ZFPM2: variants seen among roughly 807,000 people sequenced by gnomAD.
The protein encoded by ZFPM2 is zinc finger protein, FOG family member 2, also known as zinc finger protein ZFPM2.
Under a neutral mutation model 98.6 loss-of-function variants are expected in ZFPM2, and 20 were observed. The ratio of observed to expected loss-of-function variants is 0.20; its 90% CI spans 0.14 to 0.29. ZFPM2 has a LOEUF of 0.29. Ranked by LOEUF, ZFPM2 falls within the 10% of genes least tolerant of loss-of-function variation. The probability of loss-of-function intolerance (pLI) is 1.00; values close to 1 mark genes in which losing one functional copy is unlikely to be tolerated. For synonymous variants in ZFPM2, 518 were observed against 502.7 expected (o/e 1.03, Z -0.41); for missense variants, 1,310 against 1,388.6 (o/e 0.94, Z 0.90).
intron 3 of ZFPM2, among the ~76,000 whole-genome samples, chr8:105,483,748 C>G (rs1432676811): frequency 6.7e-6 from 1 of 148,420 alleles, no homozygotes; most frequent in African/African-American, 2.5e-5. Flanking sequence ...ATTACTTTTT[C>G]TTTTCTTTTT....
intron 5 of ZFPM2, among the ~76,000 whole-genome samples, chr8:105,779,437 T>TAAC (rs1457565566): frequency 3.9e-5 from 6 of 152,206 alleles, no homozygotes; most frequent in African/African-American, 1.4e-4. Flanking sequence ...TGTATAGACA[T>TAAC]AACACATGGA....
chr8:105,801,388 A>G lies in ZFPM2; in HGVS notation c.1306A>G (p.Thr436Ala), dbSNP rs1485238348. The G allele has an allele frequency of 6.2e-7, 1 of 1,613,772 alleles. No individual in the cohort carries two copies. Among genetic ancestry groups the G allele is most frequent in the African/African-American group, 1.3e-5 (1 of 74,916 alleles). ...GCAGACTAAAGATGCGAGCTCTGAC[A>G]CAGAGCTGGACAAGTGTGAGAAAAA... ...AMQTKDASSD[T>A]ELDKCEKKTQ... Residue 436 changes from threonine to alanine, a missense_variant, in exon 8 of 8, where the codon ACA (threonine) becomes GCA (alanine). Physicochemically the swap from Thr to Ala is moderately conservative, Grantham distance 58. Coordinates refer to ENST00000407775, the MANE Select transcript of ZFPM2 (RefSeq NM_012082.4).
chr8:105,686,784 G>T (rs1315479132), intron 5 of ZFPM2, among the ~76,000 whole-genome samples: 1 of 152,110 alleles, frequency 6.6e-6, no homozygotes, highest in African/African-American at 2.4e-5. Flanking sequence ...CCTAGACAAG[G>T]CTTAGCTTTA....
intron 3 of ZFPM2, among the ~76,000 whole-genome samples, chr8:105,510,475 T>G (rs767623213): frequency 8.6e-5 from 13 of 150,806 alleles, no homozygotes; most frequent in Non-Finnish European, 1.8e-4. Context: ...GATGATTCAC[T>G]ATAATGAAAT....
At chr8:105,364,690 A>C (rs1443660331) in intron 1 of ZFPM2, among the ~76,000 whole-genome samples, 1 of 151,998 alleles carries the variant, frequency 6.6e-6, no homozygotes, top group Non-Finnish European at 1.5e-5. Flanking sequence ...TTAGTTTTAC[A>C]GGATTGACAA....
intron 1 of ZFPM2, among the ~76,000 whole-genome samples, chr8:105,354,967 GA>G (rs1812713577): frequency 1.3e-5 from 2 of 151,818 alleles, no homozygotes; most frequent in Non-Finnish European, 2.9e-5. Context: ...AGAAAAAAAA[GA>G]AAAACACAAA....
chr8:105,462,954 ATAATT>A (rs1421334415), intron 3 of ZFPM2, among the ~76,000 whole-genome samples: 2 of 152,146 alleles, frequency 1.3e-5, no homozygotes, highest in African/African-American at 4.8e-5. Flanking sequence ...ATTGAAAAAT[ATAATT>A]TAGTCAGGTG....
At chr8:105,378,335 A>T (rs748918389) in intron 1 of ZFPM2, among the ~76,000 whole-genome samples, 7 of 152,164 alleles carry the variant, frequency 4.6e-5, no homozygotes, top group Non-Finnish European at 1.0e-4. Context: ...CATAGTTAAG[A>T]CACATTTTTT....
At chr8:105,560,169 CAA>C (rs34623592) in intron 3 of ZFPM2, among the ~76,000 whole-genome samples, 4 of 67,604 alleles carry the variant, frequency 5.9e-5, no homozygotes, top group Admixed American at 1.5e-4. Context: ...AACTCTGTCT[CAA>C]AAAAAAAAAA....
At chr8:105,795,945 A>C (rs2131160674) in intron 6 of ZFPM2, 1 of 232,362 alleles carries the variant, frequency 4.3e-6, no homozygotes, top group East Asian at 1.4e-4. Flanking sequence ...AAAATCTCTG[A>C]GACTCTGAAT....
At chr8:105,593,105 C>T (rs1467277462) in intron 4 of ZFPM2, among the ~76,000 whole-genome samples, 2 of 152,078 alleles carry the variant, frequency 1.3e-5, no homozygotes, top group Admixed American at 6.6e-5. Context: ...TTTAGGATAT[C>T]GAGACCCCTT....
chr8:105,410,537 A>G (rs1182917170), intron 1 of ZFPM2, among the ~76,000 whole-genome samples: 1 of 151,920 alleles, frequency 6.6e-6, no homozygotes, highest in Non-Finnish European at 1.5e-5. Context: ...TTATACCTAT[A>G]TTTAAAAATA....
intron 5 of ZFPM2, among the ~76,000 whole-genome samples, chr8:105,673,447 G>C (rs181901069): frequency 6.6e-6 from 1 of 152,064 alleles, no homozygotes; most frequent in Admixed American, 6.5e-5. Context: ...ATAAAATTCT[G>C]AAATGTTCAA....
Position 105,318,607 on chromosome 8 carries a change from T to G in ZFPM2, c.-335T>G, listed in dbSNP as rs1811952409. 1 of 150,986 alleles carries G rather than the reference T, an allele frequency of 6.6e-6. No individual in the cohort carries two copies. Among genetic ancestry groups the G allele is most frequent in the African/African-American group, 2.4e-5 (1 of 41,234 alleles). 9.4% of individuals were successfully genotyped at this position (150,986 alleles called of 1,614,324 possible). A position where few individuals can be genotyped will look rare whatever the true frequency, so the allele number is the denominator to read the frequency against. ...TCCCTCCCTCCTTCTCTTCCTTCTTTCCGTGTTATTTTTCTCTTCTCTTTC... is the reference window on the plus strand; with the variant it reads ...TCCCTCCCTCCTTCTCTTCCTTCTTGCCGTGTTATTTTTCTCTTCTCTTTC... On this transcript the variant is annotated 5_prime_UTR_variant, in exon 1 of 8. Coordinates refer to ENST00000407775, the MANE Select transcript of ZFPM2 (RefSeq NM_012082.4).
chr8:105,422,448 AAAT>A (rs35747182), intron 2 of ZFPM2, among the ~76,000 whole-genome samples: 12 of 151,264 alleles, frequency 7.9e-5, no homozygotes, highest in African/African-American at 1.2e-4. Flanking sequence ...CTCAAAAAGA[AAAT>A]AATAATAATA....
chr8:105,532,267 C>A (rs1814311958), intron 3 of ZFPM2, among the ~76,000 whole-genome samples: 2 of 152,046 alleles, frequency 1.3e-5, no homozygotes, highest in Admixed American at 1.3e-4. Context: ...AAATTATTTA[C>A]AAAAGGAGTG....
chr8:105,382,500 A>C (rs1024014990), intron 1 of ZFPM2, among the ~76,000 whole-genome samples: 5 of 152,126 alleles, frequency 3.3e-5, no homozygotes, highest in African/African-American at 1.2e-4. Flanking sequence ...ACCTTCATTG[A>C]GAAGAATATT....
At chr8:105,772,640 GTA>G (rs1212775016) in intron 5 of ZFPM2, among the ~76,000 whole-genome samples, 1 of 152,116 alleles carries the variant, frequency 6.6e-6, no homozygotes, top group African/African-American at 2.4e-5. Context: ...TTTAGAAGCA[GTA>G]TATGTGTGTT....
At chr8:105,464,631 G>A (rs1206976685) in intron 3 of ZFPM2, among the ~76,000 whole-genome samples, 1 of 151,946 alleles carries the variant, frequency 6.6e-6, no homozygotes, top group Non-Finnish European at 1.5e-5. Flanking sequence ...GGGTGTAAAA[G>A]GGATTTAATG....
Sources: allele counts gnomAD v4.1 joint callset (sites outside exome capture counted in the v4.1 genomes callset), GRCh38; gene constraint gnomAD v4.1.1; transcripts MANE v1.5; gene names NCBI Gene and HGNC (gene_info 2026-07-23, HGNC 2026-07-21).